The following FSTL5 variants were observed in gnomAD, a reference collection of about 807,000 sequenced individuals.
FSTL5 encodes follistatin-related protein 5.
FSTL5 carries 62 observed loss-of-function variants against 89.1 expected under a neutral mutation model. The ratio of observed to expected loss-of-function variants is 0.70; its 90% CI spans 0.57 to 0.86. The LOEUF is 0.86. Among genes scored for constraint, FSTL5 ranks in the 40% least tolerant of loss-of-function variants. FSTL5 has a pLI of 0.00. For synonymous variants in FSTL5, 383 were observed against 346.2 expected, an observed-to-expected ratio of 1.11 and a Z score of -1.18; for missense variants, 1,057 against 1,001.6, an observed-to-expected ratio of 1.06 and a Z score of -0.75.
chr4:161,433,125 A>C (rs1732437098), intron 15 of FSTL5, among the ~76,000 whole-genome samples: 1 of 152,018 alleles, frequency 6.6e-6, no homozygotes, highest in Admixed American at 6.6e-5. Context: ...CATTAAAAAA[A>C]AAAAAAACTA....
intron 13 of FSTL5, among the ~76,000 whole-genome samples, chr4:161,476,774 G>T (rs1734165782): frequency 6.6e-6 from 1 of 152,106 alleles, no homozygotes; most frequent in African/African-American, 2.4e-5. Context: ...TTTGCCAAAG[G>T]AAGAGGAGCT....
At chr4:162,080,168 T>C (rs1224599234) in intron 2 of FSTL5, among the ~76,000 whole-genome samples, 2 of 151,708 alleles carry the variant, frequency 1.3e-5, no homozygotes, top group Non-Finnish European at 3.0e-5. Context: ...GAGATTATTG[T>C]ATGTTTGATG....
chr4:161,848,673 C>T (rs1200414898), intron 4 of FSTL5, among the ~76,000 whole-genome samples: 1 of 152,000 alleles, frequency 6.6e-6, no homozygotes, highest in Non-Finnish European at 1.5e-5. Flanking sequence ...TGTGTTGGTT[C>T]ACTTTTACAA....
At chr4:161,571,468 T>C (rs1733007576) in intron 8 of FSTL5, among the ~76,000 whole-genome samples, 2 of 151,700 alleles carry the variant, frequency 1.3e-5, no homozygotes, top group Non-Finnish European at 2.9e-5. Flanking sequence ...AAGAAAAAAG[T>C]CCACATCAAA....
At chr4:161,420,187 A>T (rs1354424240) in intron 15 of FSTL5, among the ~76,000 whole-genome samples, 1 of 152,218 alleles carries the variant, frequency 6.6e-6, no homozygotes, top group East Asian at 1.9e-4. Flanking sequence ...CCAGGAACCA[A>T]AGTTTGGGTA....
At chr4:161,708,027 TCTA>T (rs1313107358) in intron 6 of FSTL5, among the ~76,000 whole-genome samples, 1 of 152,028 alleles carries the variant, frequency 6.6e-6, no homozygotes, top group African/African-American at 2.4e-5. Flanking sequence ...TGTAGAACAT[TCTA>T]CTGAGTGCAT....
intron 3 of FSTL5, among the ~76,000 whole-genome samples, chr4:161,925,377 G>T (rs1028619205): frequency 2.0e-5 from 3 of 151,756 alleles, no homozygotes; most frequent in Non-Finnish European, 4.4e-5. Flanking sequence ...TGCTAATATG[G>T]TGCAAAAGTA....
intron 7 of FSTL5, among the ~76,000 whole-genome samples, chr4:161,649,212 T>G (rs1477781375): frequency 6.6e-6 from 1 of 152,214 alleles, no homozygotes; most frequent in East Asian, 1.9e-4. Context: ...TTCAAGATCT[T>G]GTAATTTACA....
intron 6 of FSTL5, among the ~76,000 whole-genome samples, chr4:161,667,057 T>A (rs1736925730): frequency 6.6e-6 from 1 of 152,080 alleles, no homozygotes; most frequent in Non-Finnish European, 1.5e-5. Flanking sequence ...CAGACAAAAC[T>A]ATATTTTTAT....
intron 1 of FSTL5, among the ~76,000 whole-genome samples, chr4:162,162,257 T>C (rs78772949): frequency 0.052 from 7,941 of 152,112 alleles, 428 homozygotes; most frequent in African/African-American, 0.13. Context: ...GCAACTAGAG[T>C]AGAAATTTTA....
At chr4:161,797,361 T>C (rs927034921) in intron 4 of FSTL5, among the ~76,000 whole-genome samples, 3 of 151,642 alleles carry the variant, frequency 2.0e-5, no homozygotes, top group Non-Finnish European at 4.4e-5. Flanking sequence ...TAAATGCCCA[T>C]ACACATAATA....
rs192317641 is a variant in FSTL5 at position 162,084,503 on chromosome 4, G to A, written c.126+26768C>T. On this transcript the variant is annotated intron_variant, in intron 2 of 15. Coordinates refer to ENST00000306100, the MANE Select transcript of FSTL5 (RefSeq NM_020116.5). ...GTTTATTGCAGCACTATTCACAATAGTAAAGATTTGGAACCAACCCAAATG... is the reference window on the plus strand; with the variant it reads ...GTTTATTGCAGCACTATTCACAATAATAAAGATTTGGAACCAACCCAAATG... 2.5e-4 allele frequency among the ~76,000 whole-genome samples: 38 copies of A among 152,152 alleles called. No homozygotes were observed. In the East Asian group the frequency reaches 4.1e-3, roughly 16 times the overall value.
At chr4:161,921,539 A>G (rs1733996196) in intron 3 of FSTL5, among the ~76,000 whole-genome samples, 1 of 152,162 alleles carries the variant, frequency 6.6e-6, no homozygotes, top group Non-Finnish European at 1.5e-5. Context: ...ATGTATACAC[A>G]CATACATTTG....
chr4:161,573,426 AAAAAAGAG>A (rs1218771906), intron 8 of FSTL5, among the ~76,000 whole-genome samples: 1 of 148,440 alleles, frequency 6.7e-6, no homozygotes, highest in Non-Finnish European at 1.5e-5. Context: ...AAAAAAAAAA[AAAAAAGAG>A]AGAGAGAGAT....
intron 4 of FSTL5, among the ~76,000 whole-genome samples, chr4:161,852,337 T>G (rs562036672): frequency 4.1e-4 from 62 of 152,238 alleles, no homozygotes; most frequent in African/African-American, 1.5e-3. Context: ...AAACAAACCA[T>G]TGCATGCATC....
chr4:162,024,304 T>C (rs1737200310), intron 3 of FSTL5, among the ~76,000 whole-genome samples: 2 of 152,196 alleles, frequency 1.3e-5, no homozygotes, highest in Admixed American at 6.6e-5. Flanking sequence ...CTTGTGAATA[T>C]ATACAATTCT....
intron 3 of FSTL5, among the ~76,000 whole-genome samples, chr4:162,009,351 G>A (rs12651125): frequency 6.6e-6 from 1 of 152,082 alleles, no homozygotes; most frequent in Admixed American, 6.6e-5. Context: ...TAGCAAGCTA[G>A]GATCTGGGGC....
intron 3 of FSTL5, among the ~76,000 whole-genome samples, chr4:162,012,722 T>C (rs898160933): frequency 1.3e-5 from 2 of 152,170 alleles, no homozygotes; most frequent in African/African-American, 4.8e-5. Context: ...TTTAGACATA[T>C]GAAATACATG....
At chr4:161,554,010 C>T (rs917446869) in intron 8 of FSTL5, among the ~76,000 whole-genome samples, 1 of 151,240 alleles carries the variant, frequency 6.6e-6, no homozygotes, top group Non-Finnish European at 1.5e-5. Flanking sequence ...TGACCAATTG[C>T]TCTAAGAATA....
Sources: allele counts gnomAD v4.1 joint callset (sites outside exome capture counted in the v4.1 genomes callset), GRCh38; gene constraint gnomAD v4.1.1; transcripts MANE v1.5; gene names NCBI Gene and HGNC (gene_info 2026-07-23, HGNC 2026-07-21).